The following JAKMIP2 variants were observed in gnomAD, a reference collection of about 807,000 sequenced individuals.
JAKMIP2 encodes janus kinase and microtubule interacting protein 2.
A neutral mutation model predicts 115.0 loss-of-function variants in JAKMIP2; 25 were observed. The ratio of observed to expected loss-of-function variants is 0.22; its 90% CI spans 0.16 to 0.30. JAKMIP2 has a LOEUF of 0.30. Ranked by LOEUF, JAKMIP2 falls within the 10% of genes least tolerant of loss-of-function variation. The pLI, the probability that JAKMIP2 is intolerant of heterozygous loss-of-function variation, is 1.00. For synonymous variants in JAKMIP2, 334 were observed against 343.6 expected, an observed-to-expected ratio of 0.97 and a Z score of 0.31; for missense variants, 642 against 957.6, an observed-to-expected ratio of 0.67 and a Z score of 4.35.
rs1346670674 is a variant in JAKMIP2 at position 147,644,212 on chromosome 5, GAAGA to G, written c.1084-18_1084-15del. Reference sequence around the variant, plus strand: ...TATTTTTTCTCTCTGGATTGGAAAAGAAGAAAGTACAGGTGGAGACTTTAAAAAC... The same window carrying G: ...TATTTTTTCTCTCTGGATTGGAAAAGAAGTACAGGTGGAGACTTTAAAAAC... On this transcript the variant is annotated splice_polypyrimidine_tract_variant and intron_variant, in intron 6 of 21. Coordinates refer to ENST00000616793, the MANE Select transcript of JAKMIP2 (RefSeq NM_001270941.2). The G allele has an allele frequency of 3.2e-6, 5 of 1,556,478 alleles. No homozygotes were observed. The highest frequency in any genetic ancestry group is 4.4e-6 in the Non-Finnish European group (5 of 1,142,534).
At position 147,661,125 on chromosome 5, in the gene JAKMIP2, A is replaced by C; in HGVS notation, c.450T>G (p.Leu150=). Residue 150 remains leucine, a synonymous_variant, in exon 3 of 22, where the codon CTT becomes CTG. Coordinates refer to ENST00000616793, the MANE Select transcript of JAKMIP2 (RefSeq NM_001270941.2). ...GGTCCGCAATTTCCTGTAAGAGCTTAAGGCGCTCTGTGTCAAACAGTTTCC... is the reference window on the plus strand; with the variant it reads ...GGTCCGCAATTTCCTGTAAGAGCTTCAGGCGCTCTGTGTCAAACAGTTTCC... ...EARKLFDTER[L]KLLQEIADLK... is the part of the protein sequence containing the mutation. 6.2e-7 allele frequency: 1 copy of C among 1,614,020 alleles called. No homozygotes were observed. The highest frequency in any genetic ancestry group is 8.5e-7 in the Non-Finnish European group (1 of 1,180,020).
intron 1 of JAKMIP2, among the ~76,000 whole-genome samples, chr5:147,672,561 T>A (rs574300180): frequency 2.0e-4 from 31 of 151,262 alleles, no homozygotes; most frequent in African/African-American, 6.7e-4. Context: ...TGGGAAAAAA[T>A]TTATCTATCT....
intron 1 of JAKMIP2, among the ~76,000 whole-genome samples, chr5:147,761,132 C>T (rs1433598022): frequency 6.6e-6 from 1 of 151,982 alleles, no homozygotes; most frequent in Non-Finnish European, 1.5e-5. Context: ...GTAACGGATT[C>T]TCAAAAATGC....
intron 1 of JAKMIP2, among the ~76,000 whole-genome samples, chr5:147,719,508 C>G (rs1753170038): frequency 6.6e-6 from 1 of 151,608 alleles, no homozygotes; most frequent in Non-Finnish European, 1.5e-5. Context: ...TCACTCAGGA[C>G]TTGCTTTATG....
At position 147,612,655 on chromosome 5, in the gene JAKMIP2, G is replaced by C. The variant is rs373051703; in HGVS notation, c.2347-284C>G. Among the ~76,000 whole-genome samples, 27 of 152,306 alleles carry C rather than the reference G, an allele frequency of 1.8e-4. No individual in the cohort carries two copies. The East Asian group carries it at 5.2e-3, about 29-fold the overall frequency. ...GTAGACCCCTTCCTAGTGAGGTGTA[G>C]ATTCCACACCACTGACATTGAGTTT... On this transcript the variant is annotated intron_variant, in intron 19 of 21. Transcript: ENST00000616793.
Position 147,592,601 on chromosome 5 carries a change from T to C in JAKMIP2, c.*21-915A>G, listed in dbSNP as rs190019778. On this transcript the variant is annotated intron_variant, in intron 21 of 21. Transcript: ENST00000616793. Reference sequence around the variant, plus strand: ...TGCTATCATGTCCTACTTAAGGGAATGGCCTTTAGGGTCTGAACAACATGG... The same window carrying C: ...TGCTATCATGTCCTACTTAAGGGAACGGCCTTTAGGGTCTGAACAACATGG... Among the ~76,000 whole-genome samples the C allele has an allele frequency of 3.0e-3, 450 of 152,324 alleles. 1 individual carries two copies. The highest frequency in any genetic ancestry group is 4.5e-3 in the Non-Finnish European group (305 of 68,028).
At chr5:147,766,088 G>A (rs1041917345) in intron 1 of JAKMIP2, among the ~76,000 whole-genome samples, 1 of 152,050 alleles carries the variant, frequency 6.6e-6, no homozygotes, top group Non-Finnish European at 1.5e-5. Context: ...ACCCAACCTT[G>A]GGTTATGATC....
intron 1 of JAKMIP2, among the ~76,000 whole-genome samples, chr5:147,680,896 G>C (rs901467118): frequency 2.0e-5 from 3 of 152,150 alleles, no homozygotes; most frequent in Admixed American, 2.0e-4. Context: ...ATGTCAGTTA[G>C]AGAAAAATGA....
intron 1 of JAKMIP2, among the ~76,000 whole-genome samples, chr5:147,777,826 T>TGTGCCTAG (rs141432590): frequency 0.017 from 2,637 of 152,206 alleles, 93 homozygotes; most frequent in African/African-American, 0.061. Flanking sequence ...TACACCAGTA[T>TGTGCCTAG]GTGCCTAGGG....
At chr5:147,705,604 G>C (rs1186690213) in intron 1 of JAKMIP2, among the ~76,000 whole-genome samples, 1 of 152,000 alleles carries the variant, frequency 6.6e-6, no homozygotes, top group Non-Finnish European at 1.5e-5. Flanking sequence ...GTGACTTTTG[G>C]CAACACCCCA....
chr5:147,678,976 T>C (rs1760120304), intron 1 of JAKMIP2, among the ~76,000 whole-genome samples: 2 of 143,970 alleles, frequency 1.4e-5, no homozygotes, highest in South Asian at 4.2e-4. Flanking sequence ...TATTTATTTA[T>C]TTATTTATTT....
At chr5:147,622,545 T>C (rs1581306946) in intron 17 of JAKMIP2, among the ~76,000 whole-genome samples, 2 of 152,264 alleles carry the variant, frequency 1.3e-5, no homozygotes, top group African/African-American at 2.4e-5. Flanking sequence ...TAACGTAGTG[T>C]CCTGAAAGTA....
intron 1 of JAKMIP2, among the ~76,000 whole-genome samples, chr5:147,721,816 G>A (rs191092659): frequency 1.5e-4 from 23 of 152,212 alleles, no homozygotes; most frequent in African/African-American, 4.1e-4. Context: ...CTTCTGCGTC[G>A]CTCATGCTGG....
chr5:147,696,205 AC>A (rs1381405327), intron 1 of JAKMIP2, among the ~76,000 whole-genome samples: 4 of 152,112 alleles, frequency 2.6e-5, no homozygotes, highest in Non-Finnish European at 5.9e-5. Flanking sequence ...ATTCATGTAT[AC>A]TTCTGATATG....
rs187599725 is a variant in JAKMIP2 at position 147,595,457 on chromosome 5, C to T, written c.*21-3771G>A. On this transcript the variant is annotated intron_variant, in intron 21 of 21. Coordinates refer to ENST00000616793, the MANE Select transcript of JAKMIP2 (RefSeq NM_001270941.2). The stretch of plus-strand genomic sequence containing the variant: ...CCCTCCAGGGGATGCAACAACAAGG[C>T]GCCATCTTGGAAGTAGACACCAGGC... 1.7e-4 allele frequency: 79 copies of T among 456,844 alleles called. 1 individual carries two copies. Among genetic ancestry groups the T allele is most frequent in the African/African-American group, 9.6e-4 (48 of 50,182 alleles). The allele number at this position is 456,844 out of a possible 1,614,324, so 28.3% of individuals were successfully genotyped here.
intron 1 of JAKMIP2, among the ~76,000 whole-genome samples, chr5:147,751,086 T>G (rs1376261425): frequency 3.3e-5 from 5 of 151,926 alleles, no homozygotes; most frequent in Non-Finnish European, 5.9e-5. Context: ...TTTTTTTTTT[T>G]TTTGAGACGG....
rs1754847275 is a variant in JAKMIP2 at position 147,585,881 on chromosome 5, G to T, written c.*5826C>A. ...GGCTAAAACATGCATGAACCCTGTT[G>T]AGATGGAATTTTTAGCTAATAAAGA... On this transcript the variant is annotated 3_prime_UTR_variant, in exon 22 of 22. Transcript: ENST00000616793. The T allele has an allele frequency of 2.6e-5, 4 of 151,968 alleles. No individual in the cohort carries two copies. The highest frequency in any genetic ancestry group is 1.3e-4 in the Admixed American group (2 of 15,240). 9.4% of individuals were successfully genotyped at this position (151,968 alleles called of 1,614,324 possible).
rs560036152 is a variant in JAKMIP2 at position 147,651,608 on chromosome 5, T to C, written c.628-1061A>G. On this transcript the variant is annotated intron_variant, in intron 3 of 21. Coordinates refer to ENST00000616793, the MANE Select transcript of JAKMIP2 (RefSeq NM_001270941.2). ...TACTTTTGTATAAATTTTTCTTTGC[T>C]GTGTGCTCTTAGACCAGAAAAAAAA... Among the ~76,000 whole-genome samples, 12 of 152,254 alleles carry C rather than the reference T, an allele frequency of 7.9e-5. No homozygotes were observed. In the East Asian group the frequency reaches 1.7e-3, roughly 22 times the overall value.
At chr5:147,771,525 C>T (rs1450593917) in intron 1 of JAKMIP2, among the ~76,000 whole-genome samples, 1 of 151,872 alleles carries the variant, frequency 6.6e-6, no homozygotes, top group East Asian at 1.9e-4. Context: ...CTCAATAGTT[C>T]CTATTTGCTA....
Sources: allele counts gnomAD v4.1 joint callset (sites outside exome capture counted in the v4.1 genomes callset), GRCh38; gene constraint gnomAD v4.1.1; transcripts MANE v1.5; gene names NCBI Gene and HGNC (gene_info 2026-07-23, HGNC 2026-07-21).